The following BBS1 variants were observed in gnomAD, a reference collection of about 807,000 sequenced individuals.
The protein encoded by BBS1 is Bardet-Biedl syndrome 1.
In BBS1, 60 loss-of-function variants were observed where a neutral mutation model predicts 73.9. The observed-to-expected ratio is 0.81, with a 90% CI of 0.66 to 1.01. The LOEUF (loss-of-function observed/expected upper bound fraction) is 1.01, where lower values mean the gene tolerates loss of function less well. Ranked by LOEUF, BBS1 falls within the 50% of genes least tolerant of loss-of-function variation. The pLI is 0.00. For missense variants in BBS1, 718 were observed against 770.3 expected (o/e 0.93, Z 0.80); for synonymous variants, 283 against 317.4 (o/e 0.89, Z 1.15).
rs538089289 is a variant in BBS1, at chr11:66,526,326, CCTT to C, written c.1180+137_1180+139del. The C allele has an allele frequency of 8.0e-4, 734 of 918,820 alleles. 2 individuals are homozygous for C. The highest frequency in any genetic ancestry group is 1.3e-3 in the African/African-American group (76 of 60,510). The allele number at this position is 918,820 out of a possible 1,614,324, so 56.9% of individuals were successfully genotyped here. On this transcript the variant is annotated intron_variant, in intron 12 of 16. Transcript: ENST00000318312. ...TGGAAAGTAAGGCCTACAGAAGTGT[CCTT>C]CTGGAGCTAGGCCTCCACTGGGACA...
At chr11:66,515,977 AT>A (rs769372525) in intron 7 of BBS1, 44 bp downstream of exon 7, 1 of 1,604,240 alleles carries the variant, frequency 6.2e-7, no homozygotes, top group East Asian at 2.2e-5. Flanking sequence ...AAAAATTTAC[AT>A]TTTTTTAAAA....
In BBS1 at chr11:66,511,148, C is replaced by T. The variant is rs1855935314; in HGVS notation, c.125-57C>T. The T allele has an allele frequency of 1.9e-6, 3 of 1,613,660 alleles. No homozygotes were observed. The African/African-American group carries it at 4.0e-5, about 22-fold the overall frequency. ...GTGGGATGGGGAGTCAGACAATGGTCCTGTAGTGAAGCCTCTGGGATTCTG... is the reference window on the plus strand; with the variant it reads ...GTGGGATGGGGAGTCAGACAATGGTTCTGTAGTGAAGCCTCTGGGATTCTG... On this transcript the variant is annotated intron_variant, in intron 2 of 16. Coordinates refer to ENST00000318312, the MANE Select transcript of BBS1 (RefSeq NM_024649.5).
At position 66,532,218 on chromosome 11, in the gene BBS1, C is replaced by T. The variant is rs941815524; in HGVS notation, c.*181C>T. 3 of 657,674 alleles carry T rather than the reference C, an allele frequency of 4.6e-6. No homozygotes were observed. Among genetic ancestry groups the T allele is most frequent in the Middle Eastern group, 8.5e-4 (2 of 2,364 alleles). 40.7% of individuals were successfully genotyped at this position (657,674 alleles called of 1,614,324 possible). A position where few individuals can be genotyped will look rare whatever the true frequency, so the allele number is the denominator to read the frequency against. The stretch of plus-strand genomic sequence containing the variant: ...CCTATAGTAGCAGGTTAGTGAGTAC[C>T]TAGGGCGGCTCAACTCCTCCCACAG... On this transcript the variant is annotated 3_prime_UTR_variant, in exon 17 of 17. Coordinates refer to ENST00000318312, the MANE Select transcript of BBS1 (RefSeq NM_024649.5).
rs2134797993 is a variant in BBS1 at position 66,523,883 on chromosome 11, G to C, written c.1110+1G>C. On this transcript the variant is annotated splice_donor_variant, in intron 11 of 16. Transcript: ENST00000318312. LOFTEE classifies it high-confidence loss of function. ...CCTGCTCAATGTCATCCACACCCCG[G>C]TGAGCCCCATCTCCGGCATCTGCCA... 3 of 1,612,900 alleles carry C rather than the reference G, an allele frequency of 1.9e-6. No individual in the cohort carries two copies. The South Asian group carries it at 3.3e-5, about 18-fold the overall frequency.
Position 66,526,151 on chromosome 11 carries a change from G to C in BBS1, c.1139G>C (p.Arg380Pro). The C allele has an allele frequency of 1.2e-6, 2 of 1,614,168 alleles. No homozygotes were observed. The highest frequency in any genetic ancestry group is 8.5e-7 in the Non-Finnish European group (1 of 1,180,026). Residue 380 changes from arginine to proline, a missense_variant, in exon 12 of 17, where the codon CGG becomes CCG. Physicochemically the swap from Arg to Pro is moderately radical, Grantham distance 103. Transcript: ENST00000318312. ...GCAGTGACCAGCCTTTGCTTTGGCC[G>C]GTACGGGCGGGAGGACAACACCCTC... The part of the protein sequence containing the change: ...PDAVTSLCFG[R>P]YGREDNTLIM...
At chr11:66,531,825 G>A in intron 16 of BBS1, 83 bp downstream of exon 16, 1 of 1,612,104 alleles carries the variant, frequency 6.2e-7, no homozygotes, top group Non-Finnish European at 8.5e-7. Flanking sequence ...AAGACCTTAG[G>A]GGGCTCCTGG....
Position 66,511,089 on chromosome 11 carries a change from G to T in BBS1, c.124G>T (p.Ala42Ser). 1.2e-6 allele frequency: 2 copies of T among 1,614,176 alleles called. No individual in the cohort carries two copies. Among genetic ancestry groups the T allele is most frequent in the Non-Finnish European group, 1.7e-6 (2 of 1,180,026 alleles). ...ANIHTFSACL[A>S]LADLHGDGEY... ...TATCCACACCTTTTCTGCCTGCCTA[G>T]GTGAGTCTCTGGAACCAGGAACCCT... The change falls in exon 2 of 17, where the codon GCG (alanine) becomes TCG (serine). Residue 42 changes from alanine (A) to serine (S), a missense_variant and splice_region_variant. Physicochemically the swap from Ala to Ser is moderately conservative, Grantham distance 99. Coordinates refer to ENST00000318312, the MANE Select transcript of BBS1 (RefSeq NM_024649.5).
At position 66,531,565 on chromosome 11, in the gene BBS1, G is replaced by A. The variant is rs1413844397; in HGVS notation, c.1609-91G>A. The A allele has an allele frequency of 3.2e-6, 5 of 1,543,936 alleles. No individual in the cohort carries two copies. In the East Asian group the frequency reaches 9.0e-5, roughly 28 times the overall value. ...CTGCCCACCCTGCAGGGGTGCTGAG[G>A]CTCAGTGGAGACTGCGGGCCTGAAT... is the stretch of plus-strand genomic sequence containing the variant. On this transcript the variant is annotated intron_variant, in intron 15 of 16. Coordinates refer to ENST00000318312, the MANE Select transcript of BBS1 (RefSeq NM_024649.5).
chr11:66,521,807 A>C (rs1856233875), intron 9 of BBS1, among the ~76,000 whole-genome samples: 1 of 148,796 alleles, frequency 6.7e-6, no homozygotes, highest in African/African-American at 2.5e-5. Context: ...CGGGAGGCTA[A>C]GGTAGGAGAA....
rs1435874238 is a variant in BBS1 at position 66,523,789 on chromosome 11, T to G, written c.1017T>G (p.His339Gln). 6.2e-7 allele frequency: 1 copy of G among 1,613,538 alleles called. No individual in the cohort carries two copies. The highest frequency in any genetic ancestry group is 1.1e-5 in the South Asian group (1 of 91,078). The change falls in exon 11 of 17, where the codon CAT (histidine) becomes CAG (glutamine). Residue 339 changes from histidine to glutamine, a missense_variant. Coordinates refer to ENST00000318312, the MANE Select transcript of BBS1 (RefSeq NM_024649.5). ...TGACCATGAACCTCCTGGAGCAGCATTCCCGGGGCCTGCAGGCCGTCATGG... is the reference window on the plus strand; with the variant it reads ...TGACCATGAACCTCCTGGAGCAGCAGTCCCGGGGCCTGCAGGCCGTCATGG... ...AILTMNLLEQHSRGLQAVMAG... is the reference protein window; with the variant it reads ...AILTMNLLEQQSRGLQAVMAG...
At chr11:66,521,929 CAG>C (rs1856246691) in intron 9 of BBS1, among the ~76,000 whole-genome samples, 2 of 107,020 alleles carry the variant, frequency 1.9e-5, no homozygotes, top group African/African-American at 7.1e-5. Flanking sequence ...AAAAAAAAAG[CAG>C]GGGGGTGCCG....
rs1856141939 is a variant in BBS1, at chr11:66,519,711, TG to T, written c.688del (p.Val230CysfsTer10). ...LVLGTENKEL[L>X]VLDPEAFTIL... Reference sequence around the variant, plus strand: ...CTGGGCACCGAGAACAAGGAGCTCCTGGTGCTTGACCCCGAGGCCTTCACCA... The same window carrying T: ...CTGGGCACCGAGAACAAGGAGCTCCTGTGCTTGACCCCGAGGCCTTCACCA... On this transcript the variant is annotated frameshift_variant, in exon 8 of 17. Coordinates refer to ENST00000318312, the MANE Select transcript of BBS1 (RefSeq NM_024649.5). LOFTEE classifies it high-confidence loss of function. 6.2e-7 allele frequency: 1 copy of T among 1,613,396 alleles called. No individual in the cohort carries two copies. The highest frequency in any genetic ancestry group is 1.1e-5 in the South Asian group (1 of 91,046).
chr11:66,511,182 G>A (rs975741601), intron 2 of BBS1, 23 bp from the exon 3 acceptor site: 2 of 1,614,126 alleles, frequency 1.2e-6, no homozygotes, highest in South Asian at 1.1e-5. Context: ...TGAGACTCTG[G>A]TTTTGGCCCT....
chr11:66,525,801 G>T (rs571954316), intron 11 of BBS1, among the ~76,000 whole-genome samples: 5 of 152,300 alleles, frequency 3.3e-5, no homozygotes, highest in African/African-American at 9.6e-5. Context: ...TTCTATCAGA[G>T]ACCAGACATA....
At chr11:66,528,660 T>C (rs1856621115) in intron 13 of BBS1, among the ~76,000 whole-genome samples, 1 of 152,098 alleles carries the variant, frequency 6.6e-6, no homozygotes, top group South Asian at 2.1e-4. Flanking sequence ...GACAACTTGC[T>C]TCTAGAAAAG....
At chr11:66,516,100 A>ACATTC (rs1856043367) in intron 7 of BBS1, among the ~76,000 whole-genome samples, 167 bp downstream of exon 7, 2 of 148,252 alleles carry the variant, frequency 1.3e-5, no homozygotes, top group South Asian at 4.3e-4. Flanking sequence ...AGTGACTTCC[A>ACATTC]CATTCCAGTT....
chr11:66,530,115 C>A (rs575589435), intron 14 of BBS1, among the ~76,000 whole-genome samples, 163 bp downstream of exon 14: 5 of 152,286 alleles, frequency 3.3e-5, no homozygotes, highest in African/African-American at 1.2e-4. Context: ...CTCATGTCCT[C>A]CTTTGTGAGA....
rs1315133989 is a variant in BBS1 at position 66,522,590 on chromosome 11, C to T, written c.831-866C>T. Among the ~76,000 whole-genome samples the T allele has an allele frequency of 3.3e-5, 5 of 152,118 alleles. No homozygotes were observed. In the South Asian group the frequency reaches 8.3e-4, roughly 25 times the overall value. Reference sequence around the variant, plus strand: ...CTCGAACGCCTGACCTTGTGATCCACCCTTCTCGGCCTCCCAAAGTGCCGG... The same window carrying T: ...CTCGAACGCCTGACCTTGTGATCCATCCTTCTCGGCCTCCCAAAGTGCCGG... On this transcript the variant is annotated intron_variant, in intron 9 of 16. Transcript: ENST00000318312.
At chr11:66,525,217 C>T (rs569328001) in intron 11 of BBS1, among the ~76,000 whole-genome samples, 9 of 145,944 alleles carry the variant, frequency 6.2e-5, no homozygotes, top group East Asian at 6.0e-4. Context: ...AAAAAAAAGC[C>T]GGGTGTGATG....
Sources: gnomAD v4.1 joint callset for allele counts (sites outside exome capture counted in the v4.1 genomes callset) on GRCh38, gnomAD v4.1.1 for gene constraint, MANE v1.5 for transcripts, NCBI Gene and HGNC (gene_info 2026-07-23, HGNC 2026-07-21) for gene names.